Variants in PELI2 observed in about 807,000 individuals in gnomAD.
PELI2 encodes E3 ubiquitin-protein ligase pellino homolog 2.
Under a neutral mutation model 42.3 loss-of-function variants are expected in PELI2, and 23 were observed. The observed-to-expected ratio is 0.54, with a 90% CI of 0.39 to 0.77. The LOEUF (loss-of-function observed/expected upper bound fraction) is 0.77. Ranked by LOEUF, PELI2 falls within the 30% of genes least tolerant of loss-of-function variation. The pLI, the probability that PELI2 is intolerant of heterozygous loss-of-function variation, is 0.00. For synonymous variants in PELI2, 245 were observed against 212.2 expected (o/e 1.15, Z -1.34); for missense variants, 463 against 553.2 (o/e 0.84, Z 1.64).
At chr14:56,183,662 G>A (rs911304855) in intron 2 of PELI2, among the ~76,000 whole-genome samples, 3 of 152,082 alleles carry the variant, frequency 2.0e-5, no homozygotes, top group African/African-American at 4.8e-5. Flanking sequence ...TTATTGACAT[G>A]GCTCCAACAA....
At chr14:56,196,302 T>C (rs1886128710) in intron 2 of PELI2, among the ~76,000 whole-genome samples, 1 of 152,220 alleles carries the variant, frequency 6.6e-6, no homozygotes, top group South Asian at 2.1e-4. Flanking sequence ...CTGAAACTAG[T>C]GTGTCTGGCA....
At chr14:56,153,574 T>C (rs1028550873) in intron 1 of PELI2, among the ~76,000 whole-genome samples, 3 of 152,286 alleles carry the variant, frequency 2.0e-5, no homozygotes, top group Non-Finnish European at 4.4e-5. Flanking sequence ...TGTATGCTAA[T>C]GATAAATTAC....
chr14:56,212,832 T>A (rs1366257900), intron 2 of PELI2, among the ~76,000 whole-genome samples: 1 of 152,168 alleles, frequency 6.6e-6, no homozygotes, highest in Admixed American at 6.5e-5. Flanking sequence ...GACCAGAGGC[T>A]GAGCACACAC....
At chr14:56,202,663 C>T (rs865883006) in intron 2 of PELI2, among the ~76,000 whole-genome samples, 1 of 152,112 alleles carries the variant, frequency 6.6e-6, no homozygotes, top group Non-Finnish European at 1.5e-5. Context: ...GAAGCCTGGG[C>T]CTAGGTGTAG....
chr14:56,164,455 T>G lies in PELI2; in HGVS notation c.78-13880T>G, dbSNP rs373596822. Among the ~76,000 whole-genome samples, 25 of 152,232 alleles carry G rather than the reference T, an allele frequency of 1.6e-4. 1 individual carries two copies. Among genetic ancestry groups the G allele is most frequent in the Admixed American group, 8.5e-4 (13 of 15,294 alleles). Reference sequence around the variant, plus strand: ...AATTAGGTTTGCTAGTATTTTGTTGTGGATTTTTGCATCATTATTCACCAG... The same window carrying G: ...AATTAGGTTTGCTAGTATTTTGTTGGGGATTTTTGCATCATTATTCACCAG... On this transcript the variant is annotated intron_variant, in intron 1 of 5. Transcript: ENST00000267460.
intron 2 of PELI2, among the ~76,000 whole-genome samples, chr14:56,196,129 T>C (rs928693727): frequency 6.6e-6 from 1 of 152,206 alleles, no homozygotes; most frequent in Non-Finnish European, 1.5e-5. Context: ...GGAGGTTACA[T>C]TGTATAAATA....
Position 56,279,689 on chromosome 14 carries a change from A to C in PELI2, c.221A>C (p.Lys74Thr). The change falls in exon 3 of 6, where the codon AAA (lysine) becomes ACA (threonine). Residue 74 changes from lysine to threonine, a missense_variant. This residue lies in a region of PELI2 where 343 missense variants were observed against 378.4 expected (regional missense o/e 0.91). Transcript: ENST00000267460. ...TTTTATTATTAGGCTATCAGCTGCAAAGGTCAACACAGTATATCCTACACT... is the reference window on the plus strand; with the variant it reads ...TTTTATTATTAGGCTATCAGCTGCACAGGTCAACACAGTATATCCTACACT... ...TPQASKAISC[K>T]GQHSISYTLS... The C allele has an allele frequency of 6.3e-7, 1 of 1,578,528 alleles. No homozygotes were observed. Among genetic ancestry groups the C allele is most frequent in the Non-Finnish European group, 8.7e-7 (1 of 1,153,280 alleles).
intron 2 of PELI2, among the ~76,000 whole-genome samples, chr14:56,235,301 T>G (rs1887750395): frequency 2.6e-5 from 4 of 152,180 alleles, no homozygotes; most frequent in Admixed American, 2.6e-4. Flanking sequence ...GAAAAAAGAT[T>G]ATTATAACTA....
rs567125719 is a variant in PELI2 at position 56,126,612 on chromosome 14, A to G, written c.77+7875A>G. On this transcript the variant is annotated intron_variant, in intron 1 of 5. Coordinates refer to ENST00000267460, the MANE Select transcript of PELI2 (RefSeq NM_021255.3). ...TGATCGTGATTACCAAGTGCCTCGG[A>G]GGACCTCGGTGGCCCCCCTCCTTTC... Among the ~76,000 whole-genome samples, 4 of 152,278 alleles carry G rather than the reference A, an allele frequency of 2.6e-5. No individual in the cohort carries two copies. The South Asian group carries it at 8.3e-4, about 32-fold the overall frequency.
At chr14:56,269,270 A>G (rs1253533531) in intron 2 of PELI2, among the ~76,000 whole-genome samples, 3 of 151,978 alleles carry the variant, frequency 2.0e-5, no homozygotes, top group Non-Finnish European at 4.4e-5. Context: ...GAGAAAACCC[A>G]TCTCTACAAA....
chr14:56,129,250 A>G lies in PELI2; in HGVS notation c.77+10513A>G, dbSNP rs78865355. On this transcript the variant is annotated intron_variant, in intron 1 of 5. Coordinates refer to ENST00000267460, the MANE Select transcript of PELI2 (RefSeq NM_021255.3). The stretch of plus-strand genomic sequence containing the variant: ...GACCCAGTCTTGCTTGAAATCTCCA[A>G]ATAGGCTTGTTTTCCCTTTTGTAAT... 4.7e-4 allele frequency among the ~76,000 whole-genome samples: 71 copies of G among 152,290 alleles called. 1 individual carries two copies. The East Asian group carries it at 0.013, about 27-fold the overall frequency.
At chr14:56,234,969 G>C (rs528323739) in intron 2 of PELI2, among the ~76,000 whole-genome samples, 3 of 152,148 alleles carry the variant, frequency 2.0e-5, no homozygotes, top group Admixed American at 2.0e-4. Flanking sequence ...TCCCAACAGA[G>C]CTTTGCATGG....
chr14:56,235,861 A>G (rs1594669807), intron 2 of PELI2, among the ~76,000 whole-genome samples: 1 of 152,194 alleles, frequency 6.6e-6, no homozygotes, highest in African/African-American at 2.4e-5. Context: ...TTCTGCGTAC[A>G]TTTAGGTACA....
At chr14:56,164,542 A>C (rs1884882025) in intron 1 of PELI2, among the ~76,000 whole-genome samples, 1 of 152,152 alleles carries the variant, frequency 6.6e-6, no homozygotes. Flanking sequence ...TATCAGGGAA[A>C]TATTGGCCTC....
chr14:56,172,975 C>T (rs1885234009), intron 1 of PELI2, among the ~76,000 whole-genome samples: 1 of 152,104 alleles, frequency 6.6e-6, no homozygotes, highest in African/African-American at 2.4e-5. Context: ...GTTGAATTTC[C>T]CAGGCTCTGT....
intron 2 of PELI2, among the ~76,000 whole-genome samples, chr14:56,182,925 C>T (rs1174156826): frequency 3.9e-5 from 6 of 152,064 alleles, no homozygotes; most frequent in Admixed American, 3.3e-4. Context: ...CAGTGAGTGG[C>T]GTTGATCTCC....
In PELI2 at chr14:56,118,512, G is replaced by C; in HGVS notation, c.-149G>C. The C allele has an allele frequency of 2.4e-6, 1 of 410,546 alleles. No individual in the cohort carries two copies. Among genetic ancestry groups the C allele is most frequent in the East Asian group, 4.3e-5 (1 of 23,064 alleles). 25.4% of individuals were successfully genotyped at this position (410,546 alleles called of 1,614,324 possible). A position where few individuals can be genotyped will look rare whatever the true frequency, so the allele number is the denominator to read the frequency against. On this transcript the variant is annotated 5_prime_UTR_variant, in exon 1 of 6. Transcript: ENST00000267460. ...GCCACGACGGAGCAGCAGCGGGACT[G>C]GCCGCCCCGCGCCCCCTTCGCCGCC... is the stretch of plus-strand genomic sequence containing the variant.
chr14:56,207,213 GA>G (rs1367013131), intron 2 of PELI2, among the ~76,000 whole-genome samples: 3 of 151,778 alleles, frequency 2.0e-5, no homozygotes, highest in African/African-American at 4.8e-5. Context: ...AGCTGGGAGA[GA>G]AAAAAAATAA....
At chr14:56,207,870 A>G (rs557193462) in intron 2 of PELI2, among the ~76,000 whole-genome samples, 1 of 152,316 alleles carries the variant, frequency 6.6e-6, no homozygotes, top group South Asian at 2.1e-4. Context: ...TCCTAGGGAC[A>G]TGGCCATCAT....
Sources: gnomAD v4.1 joint callset for allele counts (sites outside exome capture counted in the v4.1 genomes callset) on GRCh38, gnomAD v4.1.1 for gene constraint, gnomAD v4.1.1 regional missense constraint, MANE v1.5 for transcripts, NCBI Gene and HGNC (gene_info 2026-07-23, HGNC 2026-07-21) for gene names.